Variants in GABPB1 observed in about 807,000 individuals in gnomAD.
The protein encoded by GABPB1 is GA-binding protein subunit beta-1.
In GABPB1, 15 loss-of-function variants were observed where a neutral mutation model predicts 45.9. The observed-to-expected ratio is 0.33, with a 90% CI of 0.22 to 0.50. The LOEUF (loss-of-function observed/expected upper bound fraction) is 0.50, where lower values mean the gene tolerates loss of function less well. Ranked by LOEUF, GABPB1 falls within the 20% of genes least tolerant of loss-of-function variation. GABPB1 has a pLI of 0.98. For missense variants in GABPB1, 252 were observed against 457.5 expected (o/e 0.55, Z 4.10); for synonymous variants, 143 against 154.4 (o/e 0.93, Z 0.55).
chr15:50,295,951 G>A (rs74012326), intron 6 of GABPB1, among the ~76,000 whole-genome samples: 2 of 152,070 alleles, frequency 1.3e-5, no homozygotes, highest in Non-Finnish European at 1.5e-5. Flanking sequence ...ACATTGTAAG[G>A]TTCTCATAGG....
intron 1 of GABPB1, among the ~76,000 whole-genome samples, chr15:50,343,008 T>C (rs1222233356): frequency 2.6e-5 from 4 of 152,126 alleles, no homozygotes; most frequent in Non-Finnish European, 4.4e-5. Flanking sequence ...CACGCCATTC[T>C]CCTGCCTCAG....
chr15:50,283,562 G>A (rs1320650830), intron 8 of GABPB1, among the ~76,000 whole-genome samples: 3 of 151,436 alleles, frequency 2.0e-5, no homozygotes, highest in Non-Finnish European at 4.4e-5. Context: ...CCAGGCTGGA[G>A]TGCAATGGCA....
intron 1 of GABPB1, among the ~76,000 whole-genome samples, chr15:50,322,957 A>T (rs1309134025): frequency 6.6e-6 from 1 of 152,146 alleles, no homozygotes; most frequent in Non-Finnish European, 1.5e-5. Context: ...TGAGCCTAGG[A>T]AGTCAAGGCT....
chr15:50,303,948 C>A lies in GABPB1; in HGVS notation c.276+18G>T, dbSNP rs780234681. The A allele has an allele frequency of 1.3e-6, 2 of 1,556,556 alleles. No individual in the cohort carries two copies. The highest frequency in any genetic ancestry group is 4.2e-5 in the Admixed American group (2 of 48,064). On this transcript the variant is annotated intron_variant, in intron 3 of 8. Coordinates refer to ENST00000380877, the MANE Select transcript of GABPB1 (RefSeq NM_016654.5). The stretch of plus-strand genomic sequence containing the variant: ...CGTAAAGTATTTTAAAAGCAAAGTG[C>A]AAAAAGAGAACACATACCTTAAGTA...
chr15:50,282,540 T>A (rs1376614532), intron 8 of GABPB1: 1 of 58,228 alleles, frequency 1.7e-5, no homozygotes. Flanking sequence ...GGTGACAAAG[T>A]GAGACCCTGC....
At chr15:50,288,528 T>C (rs960220402) in intron 7 of GABPB1, among the ~76,000 whole-genome samples, 3 of 152,040 alleles carry the variant, frequency 2.0e-5, no homozygotes, top group Non-Finnish European at 2.9e-5. Flanking sequence ...GCCCTATCCT[T>C]CTGAGAGAGC....
At chr15:50,295,154 T>C (rs140673603) in intron 6 of GABPB1, among the ~76,000 whole-genome samples, 2 of 152,352 alleles carry the variant, frequency 1.3e-5, no homozygotes, top group South Asian at 2.1e-4. Flanking sequence ...TATTCAATTA[T>C]TGTCTCTGTC....
Position 50,278,395 on chromosome 15 carries a change from C to G in GABPB1, c.*237G>C, listed in dbSNP as rs1407174976. ...ATCTCTTCAACAATCTTTATCAACT[C>G]ATTTGGAACTGTAAAAAAAAAAAAA... On this transcript the variant is annotated 3_prime_UTR_variant, in exon 9 of 9. Coordinates refer to ENST00000380877, the MANE Select transcript of GABPB1 (RefSeq NM_016654.5). 9.6e-6 allele frequency: 3 copies of G among 311,380 alleles called. No individual in the cohort carries two copies. Among genetic ancestry groups the G allele is most frequent in the Non-Finnish European group, 1.7e-5 (3 of 171,536 alleles). The allele number at this position is 311,380 out of a possible 1,614,324, so 19.3% of individuals were successfully genotyped here. A position where few individuals can be genotyped will look rare whatever the true frequency, so the allele number is the denominator to read the frequency against.
intron 1 of GABPB1, among the ~76,000 whole-genome samples, chr15:50,333,196 T>G (rs1011301937): frequency 1.3e-5 from 2 of 152,168 alleles, no homozygotes; most frequent in African/African-American, 4.8e-5. Context: ...CCAAACATGG[T>G]GGCTCACACC....
intron 2 of GABPB1, among the ~76,000 whole-genome samples, chr15:50,309,299 C>G (rs2047050605): frequency 6.6e-6 from 1 of 152,086 alleles, no homozygotes; most frequent in Non-Finnish European, 1.5e-5. Context: ...ATAATTGAAA[C>G]ATAAACTTGT....
chr15:50,283,630 C>A (rs921182078), intron 8 of GABPB1, among the ~76,000 whole-genome samples: 2 of 152,122 alleles, frequency 1.3e-5, no homozygotes, highest in Non-Finnish European at 2.9e-5. Context: ...CCTGCCTCAA[C>A]CTCCTGAGTA....
At position 50,277,926 on chromosome 15, in the gene GABPB1, T is replaced by G. The variant is rs2045869388; in HGVS notation, c.*706A>C. ...TACTTCGTTTCAATGACCTACAGAG[T>G]AAAGGGGTTTTGTTTTTGTTTTTTT... On this transcript the variant is annotated 3_prime_UTR_variant, in exon 9 of 9. Transcript: ENST00000380877. 6.6e-6 allele frequency: 1 copy of G among 152,328 alleles called. No homozygotes were observed. Among genetic ancestry groups the G allele is most frequent in the African/African-American group, 2.4e-5 (1 of 41,352 alleles). 9.4% of individuals were successfully genotyped at this position (152,328 alleles called of 1,614,324 possible).
rs370366577 is a variant in GABPB1 at position 50,305,067 on chromosome 15, C to G, written c.109-934G>C. ...TCATTAAATTGACATCCACAATACA[C>G]AGAGGGAGTACTAAAATGTGAGGGA... On this transcript the variant is annotated intron_variant, in intron 2 of 8. Transcript: ENST00000380877. Among the ~76,000 whole-genome samples, 5 of 152,190 alleles carry G rather than the reference C, an allele frequency of 3.3e-5. No individual in the cohort carries two copies. The South Asian group carries it at 6.2e-4, about 19-fold the overall frequency.
At chr15:50,338,793 A>C (rs1366397687) in intron 1 of GABPB1, among the ~76,000 whole-genome samples, 1 of 152,188 alleles carries the variant, frequency 6.6e-6, no homozygotes, top group Non-Finnish European at 1.5e-5. Context: ...TAAATATTAC[A>C]GTATAAGCTA....
intron 1 of GABPB1, among the ~76,000 whole-genome samples, chr15:50,332,751 G>GC (rs1471913673): frequency 6.6e-6 from 1 of 151,652 alleles, no homozygotes; most frequent in East Asian, 1.9e-4. Context: ...TCCATAAGAG[G>GC]TTTTTTTTAA....
intron 1 of GABPB1, among the ~76,000 whole-genome samples, chr15:50,348,707 C>CA (rs1227686788): frequency 6.6e-6 from 1 of 151,876 alleles, no homozygotes; most frequent in African/African-American, 2.4e-5. Flanking sequence ...ACTAAAAATG[C>CA]AAAAATTAGC....
At chr15:50,347,927 G>A (rs2048656072) in intron 1 of GABPB1, among the ~76,000 whole-genome samples, 1 of 151,356 alleles carries the variant, frequency 6.6e-6, no homozygotes, top group Non-Finnish European at 1.5e-5. Context: ...ATGGTGGCGG[G>A]CACCTGTAAC....
At chr15:50,320,775 A>G (rs1462236361) in intron 1 of GABPB1, among the ~76,000 whole-genome samples, 3 of 152,204 alleles carry the variant, frequency 2.0e-5, no homozygotes, top group East Asian at 3.9e-4. Flanking sequence ...AGAAGGTCAC[A>G]GTCAGGGAGA....
chr15:50,346,414 G>A (rs969341242), intron 1 of GABPB1: 1 of 152,104 alleles, frequency 6.6e-6, no homozygotes, highest in Non-Finnish European at 1.5e-5. Flanking sequence ...GAAAACAGAA[G>A]AAATCGATGG....
Sources: gnomAD v4.1 joint callset for allele counts (sites outside exome capture counted in the v4.1 genomes callset) on GRCh38, gnomAD v4.1.1 for gene constraint, MANE v1.5 for transcripts, NCBI Gene and HGNC (gene_info 2026-07-23, HGNC 2026-07-21) for gene names.